The following TSHZ3 variants were observed in gnomAD, a reference collection of about 807,000 sequenced individuals.
TSHZ3 encodes teashirt homolog 3.
Under a neutral mutation model 64.5 loss-of-function variants are expected in TSHZ3, and 10 were observed. That is an observed-to-expected ratio of 0.16 (90% confidence interval 0.10 to 0.26). The LOEUF (loss-of-function observed/expected upper bound fraction) is 0.26, where lower values mean the gene tolerates loss of function less well. Among genes scored for constraint, TSHZ3 ranks in the 10% least tolerant of loss-of-function variants. TSHZ3 has a pLI of 1.00. For synonymous variants in TSHZ3, 608 were observed against 593.1 expected, an observed-to-expected ratio of 1.03 and a Z score of -0.36; for missense variants, 1,242 against 1,421.7, an observed-to-expected ratio of 0.87 and a Z score of 2.03.
chr19:31,317,368 T>C (rs544730452), intron 1 of TSHZ3, among the ~76,000 whole-genome samples: 1 of 152,160 alleles, frequency 6.6e-6, no homozygotes, highest in Non-Finnish European at 1.5e-5. Flanking sequence ...ATGGGGATGC[T>C]GAACAGTGCA....
At chr19:31,230,899 T>C (rs914345674) in intron 3 of TSHZ3, among the ~76,000 whole-genome samples, 1 of 151,720 alleles carries the variant, frequency 6.6e-6, no homozygotes, top group Middle Eastern at 3.4e-3. Context: ...AGACGGGGTT[T>C]CACCTTGTTA....
At chr19:31,335,708 C>T (rs922905373) in intron 1 of TSHZ3, among the ~76,000 whole-genome samples, 2 of 152,238 alleles carry the variant, frequency 1.3e-5, no homozygotes, top group East Asian at 1.9e-4. Flanking sequence ...TTGCCCCAGC[C>T]TCCTGAACAG....
intron 1 of TSHZ3, among the ~76,000 whole-genome samples, chr19:31,280,110 G>C (rs1233929419): frequency 2.0e-5 from 3 of 152,142 alleles, no homozygotes; most frequent in Non-Finnish European, 2.9e-5. Flanking sequence ...ATCAACCTCA[G>C]AGACAGCAGT....
chr19:31,188,982 G>A (rs1209977083), intron 5 of TSHZ3, among the ~76,000 whole-genome samples: 1 of 151,816 alleles, frequency 6.6e-6, no homozygotes, highest in Non-Finnish European at 1.5e-5. Flanking sequence ...CAGTTTTTAT[G>A]TTCTGTGTGT....
intron 1 of TSHZ3, among the ~76,000 whole-genome samples, chr19:31,336,380 G>A (rs2145189662): frequency 1.3e-5 from 2 of 152,244 alleles, no homozygotes; most frequent in South Asian, 4.2e-4. Context: ...TCTCTGGCTG[G>A]GACTCTGTAG....
intron 4 of TSHZ3, among the ~76,000 whole-genome samples, chr19:31,212,251 T>C (rs1275819320): frequency 2.6e-5 from 4 of 151,160 alleles, no homozygotes; most frequent in Admixed American, 1.3e-4. Context: ...AGGTCAGGAG[T>C]TCGAGACCAG....
At chr19:31,267,344 C>T (rs896165556) in intron 1 of TSHZ3, among the ~76,000 whole-genome samples, 12 of 152,056 alleles carry the variant, frequency 7.9e-5, no homozygotes, top group African/African-American at 2.9e-4. Flanking sequence ...GCTCCTCAGA[C>T]CCTCTCTCAG....
chr19:31,347,368 G>A (rs1194921716), intron 1 of TSHZ3, among the ~76,000 whole-genome samples: 1 of 152,038 alleles, frequency 6.6e-6, no homozygotes, highest in Non-Finnish European at 1.5e-5. Flanking sequence ...ACTAGAGAGA[G>A]AGTTCTGAAC....
intron 1 of TSHZ3, among the ~76,000 whole-genome samples, chr19:31,347,929 C>T (rs747874983): frequency 2.0e-4 from 30 of 152,202 alleles, no homozygotes; most frequent in Non-Finnish European, 3.4e-4. Context: ...ACCATGGCTA[C>T]AACGCCTTCC....
chr19:31,189,910 T>C (rs1366737910), intron 5 of TSHZ3, among the ~76,000 whole-genome samples: 1 of 152,198 alleles, frequency 6.6e-6, no homozygotes, highest in East Asian at 1.9e-4. Flanking sequence ...ATATTGTTAG[T>C]ATTGCTATTC....
rs77463630 is a variant in TSHZ3, at chr19:31,313,680, G to C, written c.41-33928C>G. On this transcript the variant is annotated intron_variant, in intron 1 of 1. Coordinates refer to ENST00000240587, the MANE Select transcript of TSHZ3 (RefSeq NM_020856.4). ...AATTCACCCTGAGTTTGGACAGATTGGTGAGAGTCCCCTGAACAACGAAAT... is the reference window on the plus strand; with the variant it reads ...AATTCACCCTGAGTTTGGACAGATTCGTGAGAGTCCCCTGAACAACGAAAT... 5.4e-3 allele frequency among the ~76,000 whole-genome samples: 822 copies of C among 152,334 alleles called. 12 individuals carry two copies. The highest frequency in any genetic ancestry group is 0.019 in the African/African-American group (785 of 41,586).
At chr19:31,284,574 T>A (rs182416038) in intron 1 of TSHZ3, among the ~76,000 whole-genome samples, 1 of 152,274 alleles carries the variant, frequency 6.6e-6, no homozygotes, top group East Asian at 1.9e-4. Flanking sequence ...CTCTCATTCC[T>A]TACTTTCTAG....
intron 1 of TSHZ3, among the ~76,000 whole-genome samples, chr19:31,342,090 C>T (rs1405053853): frequency 6.6e-6 from 1 of 152,188 alleles, no homozygotes; most frequent in Non-Finnish European, 1.5e-5. Flanking sequence ...TTTTTATGTA[C>T]TTACCATATT....
intron 1 of TSHZ3, among the ~76,000 whole-genome samples, chr19:31,304,080 T>C (rs1976800592): frequency 6.6e-6 from 1 of 151,992 alleles, no homozygotes; most frequent in Admixed American, 6.6e-5. Flanking sequence ...GTTCAAGTGA[T>C]TGTTTTGCCT....
intron 5 of TSHZ3, among the ~76,000 whole-genome samples, chr19:31,163,138 A>G (rs1272705889): frequency 6.6e-6 from 1 of 152,216 alleles, no homozygotes; most frequent in Non-Finnish European, 1.5e-5. Flanking sequence ...GGCCTTACAG[A>G]AAGGATAAGC....
intron 1 of TSHZ3, among the ~76,000 whole-genome samples, chr19:31,259,569 A>T (rs568301704): frequency 1.3e-4 from 20 of 151,984 alleles, no homozygotes; most frequent in Non-Finnish European, 2.2e-4. Flanking sequence ...GAGGGAGGGC[A>T]GGGAGGCCAC....
intron 4 of TSHZ3, among the ~76,000 whole-genome samples, chr19:31,213,420 G>A (rs1458674536): frequency 6.9e-6 from 1 of 144,576 alleles, no homozygotes; most frequent in Non-Finnish European, 1.5e-5. Flanking sequence ...AAGGAGGGAA[G>A]GATGAATAGG....
chr19:31,226,979 T>C (rs568776673), intron 4 of TSHZ3, among the ~76,000 whole-genome samples: 1 of 127,148 alleles, frequency 7.9e-6, no homozygotes, highest in South Asian at 2.6e-4. Flanking sequence ...CTTTCTTTCT[T>C]TTTTTTTTTT....
At chr19:31,226,977 C>CTTTTTCTTTTT (rs1975473100) in intron 4 of TSHZ3, among the ~76,000 whole-genome samples, 1 of 65,684 alleles carries the variant, frequency 1.5e-5, no homozygotes, top group Non-Finnish European at 2.4e-5. Flanking sequence ...TTCTTTCTTT[C>CTTTTTCTTTTT]TTTTTTTTTT....
Sources: gnomAD v4.1 joint callset for allele counts (sites outside exome capture counted in the v4.1 genomes callset) on GRCh38, gnomAD v4.1.1 for gene constraint, MANE v1.5 for transcripts, NCBI Gene and HGNC (gene_info 2026-07-23, HGNC 2026-07-21) for gene names.